Variants in EDARADD observed in about 807,000 individuals in gnomAD.
EDARADD encodes the protein ectodysplasin-A receptor-associated adapter protein.
Under a neutral mutation model 25.6 loss-of-function variants are expected in EDARADD, and 20 were observed. That is an observed-to-expected ratio of 0.78 (90% confidence interval 0.55 to 1.14). The LOEUF is 1.14. EDARADD is among the 50% of genes most tolerant of loss of function. EDARADD has a pLI of 0.00. For missense variants in EDARADD, 225 were observed against 270.1 expected (o/e 0.83, Z 1.17); for synonymous variants, 86 against 94.4 (o/e 0.91, Z 0.52).
upstream of EDARADD, among the ~76,000 whole-genome samples, chr1:236,391,718 A>G (rs1418184933): frequency 6.6e-6 from 1 of 152,200 alleles, no homozygotes; most frequent in Non-Finnish European, 1.5e-5. Flanking sequence ...AAATAAGCAA[A>G]AACATGTATT....
chr1:236,378,508 C>T (rs1197867336), intron 3 of EDARADD, among the ~76,000 whole-genome samples: 1 of 152,146 alleles, frequency 6.6e-6, no homozygotes, highest in Non-Finnish European at 1.5e-5. Context: ...GTCTCCAATT[C>T]TGGGGGTAGG....
intron 3 of EDARADD, among the ~76,000 whole-genome samples, chr1:236,354,998 T>C (rs1446366199): frequency 6.6e-6 from 1 of 152,222 alleles, no homozygotes; most frequent in Non-Finnish European, 1.5e-5. Context: ...AAAACCATCC[T>C]GCCCTTTCCC....
At chr1:236,412,291 T>G (rs573662918) in intron 2 of EDARADD, among the ~76,000 whole-genome samples, 1 of 152,354 alleles carries the variant, frequency 6.6e-6, no homozygotes, top group South Asian at 2.1e-4. Flanking sequence ...AAAGCCTTAC[T>G]TGCCTTGGGA....
intron 1 of EDARADD, among the ~76,000 whole-genome samples, chr1:236,401,671 C>T (rs962953660): frequency 1.3e-5 from 2 of 151,966 alleles, no homozygotes; most frequent in Admixed American, 6.6e-5. Flanking sequence ...TTGGGGATGT[C>T]GGGAGGAGGC....
At chr1:236,393,587 G>A (rs7520978), upstream of EDARADD, among the ~76,000 whole-genome samples, 113,103 of 151,366 alleles carry the variant, frequency 0.75, 44,357 homozygotes, top group East Asian at 0.92. Context: ...AGTAGCGGTG[G>A]GGTTTCATCA....
intron 5 of EDARADD, among the ~76,000 whole-genome samples, chr1:236,469,299 C>G (rs1659298904): frequency 6.6e-6 from 1 of 152,044 alleles, no homozygotes; most frequent in Non-Finnish European, 1.5e-5. Context: ...CATGGCAAAA[C>G]TCCATCTCTA....
Position 236,395,456 on chromosome 1 carries a change from G to A in EDARADD, c.61+951G>A. On this transcript the variant is annotated intron_variant, in intron 1 of 5. Transcript: ENST00000334232. The surrounding 1 kb of genome is among the most constrained non-coding windows in gnomAD (Gnocchi z 6.9). ...AAGTGAGCTCGTGGAAGAAGCGAAG[G>A]AGGAGAAGAAGAAGGGAGGGGAAGG... The A allele has an allele frequency of 1.3e-6, 2 of 1,487,110 alleles. No individual in the cohort carries two copies. Among genetic ancestry groups the A allele is most frequent in the East Asian group, 2.6e-5 (1 of 38,568 alleles). The allele number at this position is 1,487,110 out of a possible 1,614,324, so 92.1% of individuals were successfully genotyped here. A position where few individuals can be genotyped will look rare whatever the true frequency, so the allele number is the denominator to read the frequency against.
intron 3 of EDARADD, among the ~76,000 whole-genome samples, chr1:236,351,725 GAA>G (rs1666917540): frequency 3.7e-5 from 5 of 134,478 alleles, no homozygotes; most frequent in African/African-American, 1.4e-4. Context: ...AAAAAAAAAA[GAA>G]TGAGTGAGGA....
intron 3 of EDARADD, among the ~76,000 whole-genome samples, chr1:236,362,703 T>A (rs756883680): frequency 6.6e-6 from 1 of 152,070 alleles, no homozygotes; most frequent in Non-Finnish European, 1.5e-5. Flanking sequence ...CTAGAATCAA[T>A]TTTGAGTTAA....
intron 1 of EDARADD, among the ~76,000 whole-genome samples, chr1:236,408,819 T>G (rs1362118334): frequency 6.6e-6 from 1 of 152,106 alleles, no homozygotes; most frequent in Non-Finnish European, 1.5e-5. Flanking sequence ...AGTGGCACTG[T>G]GTTGGCTCAC....
chr1:236,384,051 A>G (rs1264443977), intron 3 of EDARADD, among the ~76,000 whole-genome samples: 2 of 152,180 alleles, frequency 1.3e-5, no homozygotes, highest in African/African-American at 2.4e-5. Context: ...ATATCGTGTA[A>G]CTTCTGTAAA....
intron 3 of EDARADD, among the ~76,000 whole-genome samples, chr1:236,352,073 G>A (rs1666920904): frequency 1.3e-5 from 2 of 152,216 alleles, no homozygotes; most frequent in Admixed American, 6.5e-5. Context: ...GTCAGTCTTA[G>A]CCAGCTTGGC....
chr1:236,419,905 C>T (rs1309121257), intron 3 of EDARADD, among the ~76,000 whole-genome samples: 7 of 152,182 alleles, frequency 4.6e-5, no homozygotes, highest in Non-Finnish European at 1.0e-4. Context: ...AATGCATGGA[C>T]GGTGACTCGC....
intron 3 of EDARADD, among the ~76,000 whole-genome samples, chr1:236,424,445 G>C (rs769569279): frequency 6.6e-6 from 1 of 152,066 alleles, no homozygotes; most frequent in Non-Finnish European, 1.5e-5. Context: ...TTACAGGTGT[G>C]AGCCACCACA....
At position 236,483,781 on chromosome 1, in the gene EDARADD, G is replaced by A. The variant is rs879039598; in HGVS notation, c.*1132G>A. The A allele has an allele frequency of 2.0e-6, 3 of 1,471,868 alleles. No homozygotes were observed. Among genetic ancestry groups the A allele is most frequent in the Non-Finnish European group, 1.9e-6 (2 of 1,052,442 alleles). The allele number at this position is 1,471,868 out of a possible 1,614,324, so 91.2% of individuals were successfully genotyped here. A position where few individuals can be genotyped will look rare whatever the true frequency, so the allele number is the denominator to read the frequency against. On this transcript the variant is annotated 3_prime_UTR_variant, in exon 6 of 6. Coordinates refer to ENST00000334232, the MANE Select transcript of EDARADD (RefSeq NM_145861.4). Reference sequence around the variant, plus strand: ...GAGAAATATGGGAAAGATGCCACCGGTGTGGGGGATGGAGGCGCGTTTGCT... The same window carrying A: ...GAGAAATATGGGAAAGATGCCACCGATGTGGGGGATGGAGGCGCGTTTGCT...
chr1:236,444,820 C>A (rs148256606), intron 4 of EDARADD, among the ~76,000 whole-genome samples: 84 of 152,316 alleles, frequency 5.5e-4, no homozygotes, highest in African/African-American at 2.0e-3. Flanking sequence ...CCCCCAGCAG[C>A]CAACCCCACC....
intron 2 of EDARADD, among the ~76,000 whole-genome samples, chr1:236,413,501 C>A (rs1329331094): frequency 6.6e-6 from 1 of 152,054 alleles, no homozygotes; most frequent in Non-Finnish European, 1.5e-5. Flanking sequence ...AAGGACAGGG[C>A]TGAGTGGAGT....
At chr1:236,407,525 C>G (rs1422573024) in intron 1 of EDARADD, among the ~76,000 whole-genome samples, 1 of 141,774 alleles carries the variant, frequency 7.1e-6, no homozygotes, top group East Asian at 2.0e-4. Flanking sequence ...AGAACACACA[C>G]AAATTATTAT....
chr1:236,370,177 T>C (rs1667158944), intron 3 of EDARADD, among the ~76,000 whole-genome samples: 1 of 152,026 alleles, frequency 6.6e-6, no homozygotes, highest in East Asian at 1.9e-4. Flanking sequence ...TCCTAGAACT[T>C]TGGGAGGTGC....
Sources: gnomAD v4.1 joint callset for allele counts (sites outside exome capture counted in the v4.1 genomes callset) on GRCh38, gnomAD v4.1.1 for gene constraint, Gnocchi (gnomAD v3.1) non-coding constraint, MANE v1.5 for transcripts, NCBI Gene and HGNC (gene_info 2026-07-23, HGNC 2026-07-21) for gene names.